Variants in ZFYVE16 observed in about 807,000 individuals in gnomAD.
ZFYVE16 encodes zinc finger FYVE domain-containing protein 16.
ZFYVE16 carries 89 observed loss-of-function variants against 138.1 expected under a neutral mutation model. That is an observed-to-expected ratio of 0.64 (90% confidence interval 0.54 to 0.77). The LOEUF (loss-of-function observed/expected upper bound fraction) is 0.77, where lower values mean the gene tolerates loss of function less well. Among genes scored for constraint, ZFYVE16 ranks in the 30% least tolerant of loss-of-function variants. The pLI is 0.00. For missense variants in ZFYVE16, 1,793 were observed against 1,786.7 expected (o/e 1.00, Z -0.06); for synonymous variants, 596 against 618.3 (o/e 0.96, Z 0.53).
At chr5:80,434,676 G>T (rs1273876467) in intron 3 of ZFYVE16, among the ~76,000 whole-genome samples, 1 of 151,920 alleles carries the variant, frequency 6.6e-6, no homozygotes, top group Non-Finnish European at 1.5e-5. Flanking sequence ...TTCCTATGTT[G>T]CCCAGGCTGG....
At chr5:80,425,411 T>C (rs1333319155) in intron 1 of ZFYVE16, among the ~76,000 whole-genome samples, 1 of 152,206 alleles carries the variant, frequency 6.6e-6, no homozygotes, top group Non-Finnish European at 1.5e-5. Context: ...TAAAACCCTC[T>C]TATTTGTTTA....
At chr5:80,419,543 T>A (rs1303017595) in intron 1 of ZFYVE16, among the ~76,000 whole-genome samples, 1 of 152,158 alleles carries the variant, frequency 6.6e-6, no homozygotes, top group Non-Finnish European at 1.5e-5. Context: ...CTTTGTCTTT[T>A]CTTATTTTTA....
intron 18 of ZFYVE16, among the ~76,000 whole-genome samples, chr5:80,476,118 A>AT (rs574705239): frequency 1.2e-3 from 186 of 152,086 alleles, no homozygotes; most frequent in African/African-American, 4.3e-3. Context: ...TAATATTTGT[A>AT]TTTTTAGCAG....
Position 80,432,953 on chromosome 5 carries a change from G to T in ZFYVE16, c.-39-1156G>T, listed in dbSNP as rs1749298726. Among the ~76,000 whole-genome samples the T allele has an allele frequency of 2.0e-5, 3 of 152,206 alleles. No individual in the cohort carries two copies. In the South Asian group the frequency reaches 6.2e-4, roughly 31 times the overall value. ...AAAGTCAGGAAACAGGTGCTGGAGAGGATGTGGAAAAACAGGAATGCTTTT... is the reference window on the plus strand; with the variant it reads ...AAAGTCAGGAAACAGGTGCTGGAGATGATGTGGAAAAACAGGAATGCTTTT... On this transcript the variant is annotated intron_variant, in intron 2 of 18. Transcript: ENST00000505560.
Position 80,427,485 on chromosome 5 carries a change from T to C in ZFYVE16, c.-93-7T>C, listed in dbSNP as rs1453142612. The C allele has an allele frequency of 1.3e-4, 20 of 152,124 alleles. No homozygotes were observed. Among genetic ancestry groups the C allele is most frequent in the Admixed American group, 1.2e-3 (19 of 15,252 alleles). The allele number at this position is 152,124 out of a possible 1,614,324, so 9.4% of individuals were successfully genotyped here. On this transcript the variant is annotated splice_region_variant and splice_polypyrimidine_tract_variant and intron_variant, in intron 1 of 18. Transcript: ENST00000505560. The stretch of plus-strand genomic sequence containing the variant: ...CCTTTTGATATTATCCCATTACTTA[T>C]TGACAGATTCCTGTGAGGTTTCTCG...
intron 7 of ZFYVE16, 72 bp from the exon 8 acceptor site, chr5:80,447,954 T>C (rs1751565083): frequency 1.5e-6 from 2 of 1,321,870 alleles, no homozygotes; most frequent in Non-Finnish European, 2.0e-6. Context: ...TGTTTGGCTA[T>C]AGTGATCTCA....
intron 10 of ZFYVE16, 39 bp from the exon 11 acceptor site, chr5:80,451,446 A>G (rs771065315): frequency 2.0e-6 from 3 of 1,515,166 alleles, no homozygotes; most frequent in Admixed American, 4.1e-5. Context: ...ACAATAACAA[A>G]ACAACTTAAA....
At chr5:80,434,676 G>A (rs1273876467) in intron 3 of ZFYVE16, among the ~76,000 whole-genome samples, 1 of 151,920 alleles carries the variant, frequency 6.6e-6, no homozygotes, top group Non-Finnish European at 1.5e-5. Context: ...TTCCTATGTT[G>A]CCCAGGCTGG....
chr5:80,423,413 T>G (rs1337880569), intron 1 of ZFYVE16, among the ~76,000 whole-genome samples: 1 of 152,228 alleles, frequency 6.6e-6, no homozygotes, highest in Non-Finnish European at 1.5e-5. Flanking sequence ...CTCTGTTAAT[T>G]AGCCTGGTTT....
intron 1 of ZFYVE16, among the ~76,000 whole-genome samples, chr5:80,417,897 T>C (rs1167195443): frequency 6.6e-6 from 1 of 152,196 alleles, no homozygotes; most frequent in African/African-American, 2.4e-5. Context: ...GACCGCCAAA[T>C]AGTCTTCCAA....
intron 15 of ZFYVE16, among the ~76,000 whole-genome samples, chr5:80,471,729 T>G (rs1250986742): frequency 6.6e-6 from 1 of 152,230 alleles, no homozygotes; most frequent in Non-Finnish European, 1.5e-5. Flanking sequence ...AATAGTTATA[T>G]GCTTTAGAAA....
chr5:80,436,091 G>A (rs1020296038), intron 3 of ZFYVE16, among the ~76,000 whole-genome samples: 1 of 152,118 alleles, frequency 6.6e-6, no homozygotes, highest in African/African-American at 2.4e-5. Flanking sequence ...CTTTTATCTG[G>A]ATGTGGCTGT....
Position 80,461,826 on chromosome 5 carries a change from G to A in ZFYVE16, c.4024+2332G>A, listed in dbSNP as rs146313943. Among the ~76,000 whole-genome samples the A allele has an allele frequency of 2.0e-3, 309 of 152,202 alleles. 3 individuals carry two copies. Among genetic ancestry groups the A allele is most frequent in the African/African-American group, 7.1e-3 (293 of 41,520 alleles). ...TCTCTACTAAAAATACAAAAAGTTGGTCAGGCGTGGTGGCGGGCGCCTGTA... is the reference window on the plus strand; with the variant it reads ...TCTCTACTAAAAATACAAAAAGTTGATCAGGCGTGGTGGCGGGCGCCTGTA... On this transcript the variant is annotated intron_variant, in intron 15 of 18. Coordinates refer to ENST00000505560, the MANE Select transcript of ZFYVE16 (RefSeq NM_001284236.3).
At chr5:80,424,133 G>T (rs1747652018) in intron 1 of ZFYVE16, among the ~76,000 whole-genome samples, 1 of 151,820 alleles carries the variant, frequency 6.6e-6, no homozygotes, top group South Asian at 2.1e-4. Flanking sequence ...TTTTAGTAGA[G>T]ACGGGGTTTC....
chr5:80,478,163 T>A lies in ZFYVE16; in HGVS notation c.*786T>A, dbSNP rs770717028. ...GGTAATATTTTTGTATCACAATGCA[T>A]TATTTTTTTCCTCCTTTCCTTCCAA... On this transcript the variant is annotated 3_prime_UTR_variant, in exon 19 of 19. Coordinates refer to ENST00000505560, the MANE Select transcript of ZFYVE16 (RefSeq NM_001284236.3). The A allele has an allele frequency of 6.6e-6, 1 of 152,088 alleles. No homozygotes were observed. The allele number at this position is 152,088 out of a possible 1,614,324, so 9.4% of individuals were successfully genotyped here.
chr5:80,418,375 C>A (rs1036812370), intron 1 of ZFYVE16, among the ~76,000 whole-genome samples: 1 of 144,938 alleles, frequency 6.9e-6, no homozygotes, highest in Non-Finnish European at 1.5e-5. Flanking sequence ...TGCAGTAGCA[C>A]GCTCATACCT....
At chr5:80,431,187 C>G (rs1413668677) in intron 2 of ZFYVE16, among the ~76,000 whole-genome samples, 1 of 152,190 alleles carries the variant, frequency 6.6e-6, no homozygotes, top group Non-Finnish European at 1.5e-5. Flanking sequence ...CAAAAATCCT[C>G]AATCAAATAC....
At chr5:80,414,791 G>T (rs1745968790) in intron 1 of ZFYVE16, among the ~76,000 whole-genome samples, 1 of 152,150 alleles carries the variant, frequency 6.6e-6, no homozygotes, top group African/African-American at 2.4e-5. Context: ...GTAAATAACT[G>T]CTTTAGAAAA....
intron 1 of ZFYVE16, among the ~76,000 whole-genome samples, chr5:80,409,449 A>G (rs1745108366): frequency 6.6e-6 from 1 of 152,246 alleles, no homozygotes; most frequent in African/African-American, 2.4e-5. Flanking sequence ...CTAATGCTGC[A>G]GTATATTTAC....
Sources: allele counts gnomAD v4.1 joint callset (sites outside exome capture counted in the v4.1 genomes callset), GRCh38; gene constraint gnomAD v4.1.1; transcripts MANE v1.5; gene names NCBI Gene and HGNC (gene_info 2026-07-23, HGNC 2026-07-21).